The following KNDC1 variants were observed in gnomAD, a reference collection of about 807,000 sequenced individuals.
KNDC1 encodes the protein kinase non-catalytic C-lobe domain containing 1.
KNDC1 carries 106 observed loss-of-function variants against 172.8 expected under a neutral mutation model. The observed-to-expected ratio is 0.61, with a 90% confidence interval of 0.52 to 0.72. The LOEUF (loss-of-function observed/expected upper bound fraction) is 0.72, where lower values mean the gene tolerates loss of function less well. Ranked by LOEUF, KNDC1 falls within the 30% of genes least tolerant of loss-of-function variation. The pLI is 0.00. For missense variants in KNDC1, 2,325 were observed against 2,394.5 expected (o/e 0.97, Z 0.61); for synonymous variants, 1,083 against 1,062.2 (o/e 1.02, Z -0.38).
chr10:133,198,287 G>A (rs376408920), intron 12 of KNDC1, 50 bp from the exon 13 acceptor site: 265 of 1,495,868 alleles, frequency 1.8e-4, no homozygotes, highest in Middle Eastern at 9.7e-4. Context: ...GGTGCGGCAC[G>A]TGCTGGGGCC....
intron 17 of KNDC1, among the ~76,000 whole-genome samples, chr10:133,203,774 G>A (rs1290658591): frequency 6.6e-6 from 1 of 152,250 alleles, no homozygotes; most frequent in Admixed American, 6.5e-5. Flanking sequence ...CACATGTGGT[G>A]TGGATTTTAG....
At position 133,212,700 on chromosome 10, in the gene KNDC1, C is replaced by T. The variant is rs542002117; in HGVS notation, c.4237-16C>T. 6.2e-7 allele frequency: 1 copy of T among 1,609,630 alleles called. No homozygotes were observed. ...ACACGGAGCTTAGGCCCCTCAGTGC[C>T]CGGCCTGCCCTGCAGAGCTTCCCCT... On this transcript the variant is annotated splice_polypyrimidine_tract_variant and intron_variant, in intron 23 of 29. Transcript: ENST00000304613.
At chr10:133,175,974 A>G (rs1357383701) in intron 3 of KNDC1, among the ~76,000 whole-genome samples, 1 of 130,442 alleles carries the variant, frequency 7.7e-6, no homozygotes, top group African/African-American at 2.9e-5. Flanking sequence ...GGATGGATGG[A>G]TGGGTGGGTG....
At chr10:133,223,770 C>CAT (rs542205170) in intron 29 of KNDC1, among the ~76,000 whole-genome samples, 6 of 5,048 alleles carry the variant, frequency 1.2e-3, no homozygotes, top group African/African-American at 2.6e-3. Context: ...CTCTTCCCGG[C>CAT]GTGTGTGTGT....
intron 29 of KNDC1, among the ~76,000 whole-genome samples, chr10:133,223,890 C>T (rs1283873855): frequency 7.9e-6 from 1 of 126,400 alleles, no homozygotes; most frequent in Non-Finnish European, 1.6e-5. Context: ...CAGGCATGCT[C>T]TTCCCGGCGT....
intron 3 of KNDC1, among the ~76,000 whole-genome samples, chr10:133,170,761 G>A (rs2135952234): frequency 6.6e-6 from 1 of 152,320 alleles, no homozygotes; most frequent in Middle Eastern, 3.4e-3. Context: ...TCACGTCTGG[G>A]TTGTGGAAAA....
intron 29 of KNDC1, among the ~76,000 whole-genome samples, chr10:133,223,924 C>T (rs1845665286): frequency 7.5e-6 from 1 of 133,532 alleles, no homozygotes; most frequent in South Asian, 2.7e-4. Flanking sequence ...TCCAGGCATG[C>T]TCTTCCCGGC....
intron 26 of KNDC1, among the ~76,000 whole-genome samples, chr10:133,214,508 T>C (rs891423824): frequency 6.6e-6 from 1 of 152,114 alleles, no homozygotes; most frequent in Non-Finnish European, 1.5e-5. Flanking sequence ...CACCCCCACC[T>C]GTGCTCACCA....
At position 133,167,514 on chromosome 10, in the gene KNDC1, G is replaced by A; in HGVS notation, c.236G>A (p.Cys79Tyr). 1.2e-6 allele frequency: 2 copies of A among 1,605,500 alleles called. No homozygotes were observed. The highest frequency in any genetic ancestry group is 1.7e-6 in the Non-Finnish European group (2 of 1,176,628). The change falls in exon 2 of 30, where the codon TGC (cysteine) becomes TAC (tyrosine). Residue 79 changes from cysteine to tyrosine, a missense_variant. Transcript: ENST00000304613. The part of the protein sequence containing the change: ...VAHAAIFQSL[C>Y]ITPDTLAFNT... ...CACGCCGCCATCTTCCAGAGCCTGTGCATCACGCCCGACACCCTGGCCTTC... is the reference window on the plus strand; with the variant it reads ...CACGCCGCCATCTTCCAGAGCCTGTACATCACGCCCGACACCCTGGCCTTC...
At chr10:133,187,226 C>G (rs956933491) in intron 6 of KNDC1, among the ~76,000 whole-genome samples, 1 of 152,258 alleles carries the variant, frequency 6.6e-6, no homozygotes, top group African/African-American at 2.4e-5. Context: ...GGCCTCCACA[C>G]AGGATGGGGC....
At chr10:133,172,804 C>A (rs1853415894) in intron 3 of KNDC1, among the ~76,000 whole-genome samples, 1 of 152,166 alleles carries the variant, frequency 6.6e-6, no homozygotes. Context: ...GAGTTAGAGA[C>A]CAGCCTAGGC....
At position 133,209,479 on chromosome 10, in the gene KNDC1, T is replaced by C. The variant is rs917075044; in HGVS notation, c.3795-1132T>C. Among the ~76,000 whole-genome samples, 5 of 150,262 alleles carry C rather than the reference T, an allele frequency of 3.3e-5. No homozygotes were observed. Among genetic ancestry groups the C allele is most frequent in the African/African-American group, 1.2e-4 (5 of 40,900 alleles). ...GGGTATAGTGTGGCTTGTGTGCGCG[T>C]GTGTGGTGTGCGCGTCTGGTTGTGG... is the stretch of plus-strand genomic sequence containing the variant. On this transcript the variant is annotated intron_variant, in intron 20 of 29. Coordinates refer to ENST00000304613, the MANE Select transcript of KNDC1 (RefSeq NM_152643.8). This position sits in a 1 kb window ranked among gnomAD's most constrained non-coding sequence, Gnocchi z 4.9.
At chr10:133,189,712 C>T (rs1169999633) in intron 8 of KNDC1, 40 bp from the exon 9 acceptor site, 47 of 1,613,708 alleles carry the variant, frequency 2.9e-5, no homozygotes, top group South Asian at 4.4e-5. Flanking sequence ...AGCACCGGCT[C>T]GCCAGGGGTG....
intron 28 of KNDC1, among the ~76,000 whole-genome samples, chr10:133,219,540 A>T (rs1224064258): frequency 6.6e-6 from 1 of 152,214 alleles, no homozygotes; most frequent in Non-Finnish European, 1.5e-5. Context: ...GCTCGGCCTC[A>T]AGCCCCAGCC....
intron 9 of KNDC1, among the ~76,000 whole-genome samples, chr10:133,193,433 A>G (rs3008391): frequency 0.85 from 129,100 of 152,170 alleles, 55,032 homozygotes; most frequent in Middle Eastern, 0.92. Context: ...GCTGAGGCAG[A>G]AGAATCACTG....
intron 17 of KNDC1, 169 bp downstream of exon 17, chr10:133,202,067 C>T: frequency 1.3e-6 from 1 of 798,728 alleles, no homozygotes; most frequent in Non-Finnish European, 2.1e-6. Context: ...GGGCCCCCTC[C>T]CTGGGCTGAG....
intron 7 of KNDC1, among the ~76,000 whole-genome samples, chr10:133,189,073 G>T (rs1195696402): frequency 6.6e-6 from 1 of 152,186 alleles, no homozygotes; most frequent in African/African-American, 2.4e-5. Context: ...GAGTGGGGAG[G>T]GAATCTTCAG....
intron 26 of KNDC1, among the ~76,000 whole-genome samples, chr10:133,218,189 A>G (rs1057313261): frequency 6.6e-6 from 1 of 152,244 alleles, no homozygotes; most frequent in Non-Finnish European, 1.5e-5. Flanking sequence ...AGGAGGGGTC[A>G]GCTGAGTTCT....
At chr10:133,184,395 C>T (rs4838669) in intron 5 of KNDC1, among the ~76,000 whole-genome samples, 58,986 of 110,738 alleles carry the variant, frequency 0.53, 13,249 homozygotes, top group South Asian at 0.71. Context: ...CGCACACACA[C>T]GCACACACGC....
Sources: gnomAD v4.1 joint callset for allele counts (sites outside exome capture counted in the v4.1 genomes callset) on GRCh38, gnomAD v4.1.1 for gene constraint, Gnocchi (gnomAD v3.1) non-coding constraint, MANE v1.5 for transcripts, NCBI Gene and HGNC (gene_info 2026-07-23, HGNC 2026-07-21) for gene names.